TMCO4: variants seen among roughly 807,000 people sequenced by gnomAD.
TMCO4 encodes transmembrane and coiled-coil domains 4.
A neutral mutation model predicts 64.7 loss-of-function variants in TMCO4; 58 were observed. That is an observed-to-expected ratio of 0.90 (90% CI 0.73 to 1.12). TMCO4 has a LOEUF of 1.12. TMCO4 is among the 50% of genes most tolerant of loss of function. TMCO4 has a pLI of 0.00. For synonymous variants in TMCO4, 325 were observed against 346.1 expected (o/e 0.94, Z 0.68); for missense variants, 780 against 825.9 (o/e 0.94, Z 0.68).
At chr1:19,702,459 G>A (rs2095279403) in intron 13 of TMCO4, among the ~76,000 whole-genome samples, 1 of 152,198 alleles carries the variant, frequency 6.6e-6, no homozygotes, top group Non-Finnish European at 1.5e-5. Context: ...GGGTGTGGTG[G>A]TGGCAAAAGC....
chr1:19,722,476 G>A (rs545821508), intron 13 of TMCO4, among the ~76,000 whole-genome samples: 9 of 152,280 alleles, frequency 5.9e-5, no homozygotes, highest in East Asian at 3.9e-4. Context: ...GGTGGGTATC[G>A]TTTGATCTAC....
At chr1:19,760,702 T>C (rs1341322702) in intron 6 of TMCO4, among the ~76,000 whole-genome samples, 1 of 152,262 alleles carries the variant, frequency 6.6e-6, no homozygotes, top group South Asian at 2.1e-4. Context: ...CAACTATATA[T>C]ATATTTTATT....
intron 15 of TMCO4, among the ~76,000 whole-genome samples, chr1:19,689,317 T>C (rs906583261): frequency 1.3e-5 from 2 of 152,196 alleles, no homozygotes; most frequent in African/African-American, 4.8e-5. Context: ...AGAGCTATTA[T>C]TAGGCAGGAG....
chr1:19,780,446 C>T (rs2043411209), intron 4 of TMCO4, 134 bp downstream of exon 4: 1 of 1,097,610 alleles, frequency 9.1e-7, no homozygotes, highest in Non-Finnish European at 1.3e-6. Context: ...AGGTTAGAGA[C>T]CCCTGCGTTA....
intron 14 of TMCO4, 30 bp downstream of exon 14, chr1:19,700,738 C>G: frequency 6.3e-7 from 1 of 1,584,558 alleles, no homozygotes; most frequent in Non-Finnish European, 8.7e-7. Context: ...AGCATTGTCA[C>G]TTCCCCGCTG....
chr1:19,721,788 CAAACAAAACA>C (rs745424127), intron 13 of TMCO4, among the ~76,000 whole-genome samples: 23 of 151,728 alleles, frequency 1.5e-4, no homozygotes, highest in East Asian at 3.9e-4. Context: ...GACCCTGTCT[CAAACAAAACA>C]AAACAAAACA....
chr1:19,724,424 T>C (rs1214904672), intron 13 of TMCO4, among the ~76,000 whole-genome samples: 1 of 152,196 alleles, frequency 6.6e-6, no homozygotes, highest in African/African-American at 2.4e-5. Context: ...TAGGTGCCGA[T>C]GACAGAGGGC....
chr1:19,718,291 C>T (rs1431169221), intron 13 of TMCO4, among the ~76,000 whole-genome samples: 2 of 151,950 alleles, frequency 1.3e-5, no homozygotes, highest in Admixed American at 6.6e-5. Flanking sequence ...GCCAAGATCA[C>T]ACCACTGCAC....
intron 3 of TMCO4, among the ~76,000 whole-genome samples, chr1:19,784,783 G>GAAA (rs1553152575): frequency 1.4e-5 from 2 of 147,694 alleles, no homozygotes; most frequent in Non-Finnish European, 1.5e-5. Flanking sequence ...GGGCTACACT[G>GAAA]GAAGAAGAAT....
intron 15 of TMCO4, among the ~76,000 whole-genome samples, chr1:19,691,686 GA>G (rs1317648907): frequency 6.6e-6 from 1 of 152,216 alleles, no homozygotes; most frequent in African/African-American, 2.4e-5. Context: ...TAGATGCCCA[GA>G]AAGGAGTCTA....
intron 13 of TMCO4, among the ~76,000 whole-genome samples, chr1:19,726,111 G>T (rs994447175): frequency 1.3e-5 from 2 of 152,238 alleles, no homozygotes; most frequent in African/African-American, 4.8e-5. Flanking sequence ...ACACAGAGGG[G>T]ACAAAACAGA....
In TMCO4 at chr1:19,739,937, G is replaced by A. The variant is rs1380268902; in HGVS notation, c.1066C>T (p.Pro356Ser). The A allele has an allele frequency of 1.2e-6, 2 of 1,613,666 alleles. No homozygotes were observed. The highest frequency in any genetic ancestry group is 1.7e-5 in the Admixed American group (1 of 59,976). ...TTGGCGACACTGAGGAGTGAGGCTGGCCAGGTCAGGGCAGCCACAATGCCT... is the reference window on the plus strand; with the variant it reads ...TTGGCGACACTGAGGAGTGAGGCTGACCAGGTCAGGGCAGCCACAATGCCT... Reference protein sequence around the residue: ...LSGIVAALTWPASLLSVANVI... With the variant: ...LSGIVAALTWSASLLSVANVI... Residue 356 changes from proline (P) to serine (S), a missense_variant, in exon 12 of 16, where the codon CCA becomes TCA. By Grantham distance (74) the Pro-to-Ser change is moderately conservative (BLOSUM62 -1). Coordinates refer to ENST00000294543, the MANE Select transcript of TMCO4 (RefSeq NM_181719.7).
chr1:19,774,504 C>T (rs997463876), intron 4 of TMCO4, among the ~76,000 whole-genome samples: 3 of 152,064 alleles, frequency 2.0e-5, no homozygotes, highest in Non-Finnish European at 4.4e-5. Context: ...ATACCTGGCA[C>T]CTACAAAGCA....
At chr1:19,783,374 T>C (rs887269741) in intron 3 of TMCO4, among the ~76,000 whole-genome samples, 3 of 152,238 alleles carry the variant, frequency 2.0e-5, no homozygotes, top group Admixed American at 6.5e-5. Flanking sequence ...AGGAGTCTTC[T>C]AGTCTAATAA....
At chr1:19,704,615 G>T (rs769123801) in intron 13 of TMCO4, among the ~76,000 whole-genome samples, 1 of 152,228 alleles carries the variant, frequency 6.6e-6, no homozygotes, top group Non-Finnish European at 1.5e-5. Flanking sequence ...TTCTCTGGGG[G>T]CCGGCCATTC....
At chr1:19,712,851 C>T (rs1433551811) in intron 13 of TMCO4, among the ~76,000 whole-genome samples, 1 of 152,090 alleles carries the variant, frequency 6.6e-6, no homozygotes, top group African/African-American at 2.4e-5. Context: ...TGATTATTTC[C>T]CATGAGCCTA....
At chr1:19,749,678 A>C (rs2041943034) in intron 7 of TMCO4, among the ~76,000 whole-genome samples, 2 of 152,204 alleles carry the variant, frequency 1.3e-5, no homozygotes, top group East Asian at 3.9e-4. Flanking sequence ...AACTGGTAGA[A>C]TCTTTAAAGC....
At position 19,683,318 on chromosome 1, in the gene TMCO4, G is replaced by C. The variant is rs1438799193; in HGVS notation, c.1627C>G (p.Pro543Ala). Residue 543 changes from proline to alanine, a missense_variant, in exon 16 of 16, where the codon CCT becomes GCT. Coordinates refer to ENST00000294543, the MANE Select transcript of TMCO4 (RefSeq NM_181719.7). Reference protein sequence around the residue: ...LAPGCLPSEEPRQAAAAASSG... With the variant: ...LAPGCLPSEEARQAAAAASSG... ...GAGGCGGCAGCTGCTGCCTGGCGAG[G>C]CTCCTCGGAGGGCAGGCAGCCTGGG... 3 of 1,613,856 alleles carry C rather than the reference G, an allele frequency of 1.9e-6. No individual in the cohort carries two copies. The highest frequency in any genetic ancestry group is 2.5e-6 in the Non-Finnish European group (3 of 1,179,932).
intron 15 of TMCO4, among the ~76,000 whole-genome samples, chr1:19,690,078 GGGACTTTCCTGC>G (rs1273077727): frequency 1.3e-5 from 2 of 152,176 alleles, no homozygotes; most frequent in Admixed American, 6.5e-5. Context: ...CCACATTGTG[GGGACTTTCCTGC>G]CTTTGGGTAG....
Sources: allele counts gnomAD v4.1 joint callset (sites outside exome capture counted in the v4.1 genomes callset), GRCh38; gene constraint gnomAD v4.1.1; transcripts MANE v1.5; gene names NCBI Gene and HGNC (gene_info 2026-07-23, HGNC 2026-07-21).